Variants in TAF12 observed in about 807,000 individuals in gnomAD.
TAF12 encodes TATA-box binding protein associated factor 12, also known as transcription initiation factor TFIID subunit 12.
A neutral mutation model predicts 20.8 loss-of-function variants in TAF12; 3 were observed. The observed-to-expected ratio is 0.14, with a 90% CI of 0.07 to 0.37. The LOEUF is 0.37. Ranked by LOEUF, TAF12 falls within the 10% of genes least tolerant of loss-of-function variation. TAF12 has a pLI of 1.00. For synonymous variants in TAF12, 69 were observed against 70.2 expected (o/e 0.98, Z 0.09); for missense variants, 131 against 197.9 (o/e 0.66, Z 2.03).
chr1:28,621,149 T>C (rs938931226), intron 2 of TAF12, among the ~76,000 whole-genome samples: 3 of 152,200 alleles, frequency 2.0e-5, no homozygotes, highest in African/African-American at 7.2e-5. Flanking sequence ...AATTCTGTCT[T>C]CTACAACAGA....
intron 1 of TAF12, among the ~76,000 whole-genome samples, chr1:28,631,748 T>C (rs1667637317): frequency 6.6e-6 from 1 of 152,146 alleles, no homozygotes; most frequent in African/African-American, 2.4e-5. Flanking sequence ...CATGAAAAGA[T>C]GCTCAATATC....
intron 4 of TAF12, among the ~76,000 whole-genome samples, chr1:28,612,796 A>G (rs1362504058): frequency 6.6e-6 from 1 of 152,062 alleles, no homozygotes; most frequent in African/African-American, 2.4e-5. Context: ...AAATGCATAA[A>G]TAGGCTAAAA....
chr1:28,639,113 T>C (rs977415336), intron 1 of TAF12, among the ~76,000 whole-genome samples: 7 of 151,302 alleles, frequency 4.6e-5, no homozygotes, highest in Admixed American at 4.0e-4. Context: ...CTTGCTCTAT[T>C]GCCCAGGCTG....
At chr1:28,636,379 A>G (rs1667823192) in intron 1 of TAF12, among the ~76,000 whole-genome samples, 1 of 151,894 alleles carries the variant, frequency 6.6e-6, no homozygotes, top group South Asian at 2.1e-4. Context: ...GGTCAAGGAT[A>G]TGAACCATGG....
rs143515983 is a variant in TAF12 at position 28,603,059 on chromosome 1, G to A, written c.*480C>T. On this transcript the variant is annotated 3_prime_UTR_variant, in exon 6 of 6. Transcript: ENST00000373824. ...AGAGAGCTACAATCCAGGCTTGCTT[G>A]TCCTGACTCCCTCTGGGATTTCAAA... The A allele has an allele frequency of 3.9e-5, 6 of 153,708 alleles. No individual in the cohort carries two copies. Among genetic ancestry groups the A allele is most frequent in the Non-Finnish European group, 7.3e-5 (5 of 68,848 alleles). 9.5% of individuals were successfully genotyped at this position (153,708 alleles called of 1,614,324 possible). A position where few individuals can be genotyped will look rare whatever the true frequency, so the allele number is the denominator to read the frequency against.
chr1:28,648,134 G>C, intron 1 of TAF12: 1 of 983,788 alleles, frequency 1.0e-6, no homozygotes, highest in South Asian at 4.7e-5. Flanking sequence ...GTGGTGGCTA[G>C]GGGTGGCACA....
At chr1:28,631,612 T>A (rs1194870162) in intron 1 of TAF12, among the ~76,000 whole-genome samples, 1 of 152,102 alleles carries the variant, frequency 6.6e-6, no homozygotes, top group Non-Finnish European at 1.5e-5. Flanking sequence ...GGAGGACTGC[T>A]TAAGCTAAGG....
At chr1:28,645,544 A>C (rs554679441), upstream of TAF12, among the ~76,000 whole-genome samples, 2 of 151,982 alleles carry the variant, frequency 1.3e-5, no homozygotes, top group East Asian at 3.9e-4. Flanking sequence ...GCTACTCAGG[A>C]GGCTGCGGAA....
intron 1 of TAF12, among the ~76,000 whole-genome samples, chr1:28,624,646 C>A (rs1467213855): frequency 6.6e-6 from 1 of 151,960 alleles, no homozygotes; most frequent in African/African-American, 2.4e-5. Context: ...ACTTGGGAGG[C>A]TGAGGCAGGA....
chr1:28,642,705 G>GT (rs1668078594), intron 1 of TAF12: 35 of 985,022 alleles, frequency 3.6e-5, no homozygotes, highest in Non-Finnish European at 4.0e-5. Context: ...CCCTTTCCTC[G>GT]TAGGAGTGCG....
At chr1:28,604,649 AC>A (rs1234307678) in intron 5 of TAF12, among the ~76,000 whole-genome samples, 1 of 152,204 alleles carries the variant, frequency 6.6e-6, no homozygotes, top group Non-Finnish European at 1.5e-5. Flanking sequence ...CTTTACAAAC[AC>A]CGGCTCCAGA....
rs1667099641 is a variant in TAF12 at position 28,618,118 on chromosome 1, T to A, written c.169-88A>T. ...CTGTAATGAAGAAAGGCTGTCAAAT[T>A]GTTGGTTTTAGTTTCCACTTTCCAA... is the stretch of plus-strand genomic sequence containing the variant. On this transcript the variant is annotated intron_variant, in intron 2 of 5. Coordinates refer to ENST00000373824, the MANE Select transcript of TAF12 (RefSeq NM_005644.4). 6.0e-6 allele frequency: 8 copies of A among 1,341,220 alleles called. No individual in the cohort carries two copies. In the South Asian group the frequency reaches 1.0e-4, roughly 17 times the overall value. The allele number at this position is 1,341,220 out of a possible 1,614,324, so 83.1% of individuals were successfully genotyped here.
intron 1 of TAF12, among the ~76,000 whole-genome samples, chr1:28,636,866 T>C (rs1330199005): frequency 2.0e-5 from 3 of 152,008 alleles, no homozygotes; most frequent in African/African-American, 7.2e-5. Flanking sequence ...CCAGCTACTA[T>C]GGGGTCTGAG....
chr1:28,643,086 A>G (rs1570347977), upstream of TAF12: 2 of 985,682 alleles, frequency 2.0e-6, no homozygotes, highest in Non-Finnish European at 2.4e-6. Context: ...CTCCCCGACT[A>G]CTTCCGGCAC....
At chr1:28,613,004 G>A (rs1666917580) in intron 4 of TAF12, among the ~76,000 whole-genome samples, 1 of 152,196 alleles carries the variant, frequency 6.6e-6, no homozygotes, top group South Asian at 2.1e-4. Flanking sequence ...GAGATACTAG[G>A]TAGGAAAAAT....
intron 1 of TAF12, among the ~76,000 whole-genome samples, chr1:28,642,414 C>T (rs1668066838): frequency 6.6e-6 from 1 of 152,110 alleles, no homozygotes; most frequent in South Asian, 2.1e-4. Context: ...AGCTTGGGTA[C>T]TCACAGCCCT....
intron 5 of TAF12, 104 bp downstream of exon 5, chr1:28,605,268 G>C: frequency 8.4e-7 from 1 of 1,186,000 alleles, no homozygotes; most frequent in Non-Finnish European, 1.2e-6. Context: ...AGTTTGCTGT[G>C]TGGAGGAAGC....
intron 1 of TAF12, among the ~76,000 whole-genome samples, chr1:28,630,689 G>T (rs996405960): frequency 6.9e-6 from 1 of 145,688 alleles, no homozygotes; most frequent in South Asian, 2.1e-4. Flanking sequence ...ATCCACAAAA[G>T]AAAAGAATTG....
At chr1:28,625,123 T>C (rs1667338267) in intron 1 of TAF12, among the ~76,000 whole-genome samples, 1 of 152,210 alleles carries the variant, frequency 6.6e-6, no homozygotes, top group Non-Finnish European at 1.5e-5. Context: ...ACACTGAACA[T>C]ACTTTATCTC....
Sources: gnomAD v4.1 joint callset for allele counts (sites outside exome capture counted in the v4.1 genomes callset) on GRCh38, gnomAD v4.1.1 for gene constraint, MANE v1.5 for transcripts, NCBI Gene and HGNC (gene_info 2026-07-23, HGNC 2026-07-21) for gene names.